The following CCDC25 variants were observed in gnomAD, a reference collection of about 807,000 sequenced individuals.
The protein encoded by CCDC25 is coiled-coil domain containing 25, also known as coiled-coil domain-containing protein 25.
Under a neutral mutation model 35.3 loss-of-function variants are expected in CCDC25, and 16 were observed. The ratio of observed to expected loss-of-function variants is 0.45; its 90% CI spans 0.31 to 0.69. The LOEUF (loss-of-function observed/expected upper bound fraction) is 0.69. Among genes scored for constraint, CCDC25 ranks in the 30% least tolerant of loss-of-function variants. The pLI, the probability that CCDC25 is intolerant of heterozygous loss-of-function variation, is 0.06. For missense variants in CCDC25, 179 were observed against 250.7 expected, an observed-to-expected ratio of 0.71 and a Z score of 1.93; for synonymous variants, 79 against 80.3, an observed-to-expected ratio of 0.98 and a Z score of 0.09.
chr8:27,763,337 A>T (rs1388046122), intron 2 of CCDC25, among the ~76,000 whole-genome samples: 1 of 152,254 alleles, frequency 6.6e-6, no homozygotes, highest in Non-Finnish European at 1.5e-5. Flanking sequence ...TAAAGGTTAT[A>T]TCAATAAATA....
At chr8:27,743,430 G>A (rs959137706) in intron 7 of CCDC25, among the ~76,000 whole-genome samples, 2 of 152,210 alleles carry the variant, frequency 1.3e-5, no homozygotes, top group African/African-American at 4.8e-5. Context: ...GCATGGACTG[G>A]CCCCTTGATC....
chr8:27,771,092 T>G (rs1252216049), intron 1 of CCDC25, among the ~76,000 whole-genome samples: 1 of 152,202 alleles, frequency 6.6e-6, no homozygotes, highest in East Asian at 1.9e-4. Context: ...CTGATCACTA[T>G]TGCCTGATGA....
chr8:27,745,465 TAATA>T (rs1474230697), intron 7 of CCDC25, among the ~76,000 whole-genome samples: 2 of 152,202 alleles, frequency 1.3e-5, no homozygotes. Context: ...AATTTTGATG[TAATA>T]AATGTTTGGT....
Position 27,772,178 on chromosome 8 carries a change from A to C in CCDC25, c.28+335T>G, listed in dbSNP as rs186742311. On this transcript the variant is annotated intron_variant, in intron 1 of 8. Coordinates refer to ENST00000356537, the MANE Select transcript of CCDC25 (RefSeq NM_018246.3). ...AAGGCCGCAGATGGAAGGTGGGAAG[A>C]AGACTTGGGATAAGGTGTGTGGAGG... 84 of 425,730 alleles carry C rather than the reference A, an allele frequency of 2.0e-4. No individual in the cohort carries two copies. In the Admixed American group the frequency reaches 2.2e-3, roughly 11 times the overall value. The allele number at this position is 425,730 out of a possible 1,614,324, so 26.4% of individuals were successfully genotyped here.
At chr8:27,760,575 A>C (rs545209806) in intron 3 of CCDC25, among the ~76,000 whole-genome samples, 10 of 152,186 alleles carry the variant, frequency 6.6e-5, no homozygotes, top group Non-Finnish European at 1.5e-4. Flanking sequence ...TATTTACTGA[A>C]TACCTACTAT....
chr8:27,772,275 T>C (rs1804651702), intron 1 of CCDC25, among the ~76,000 whole-genome samples: 1 of 152,160 alleles, frequency 6.6e-6, no homozygotes, highest in Admixed American at 6.5e-5. Flanking sequence ...AACTCCCCGA[T>C]ACAAACATAG....
chr8:27,756,013 T>C (rs1004516572), intron 4 of CCDC25, among the ~76,000 whole-genome samples: 2 of 152,210 alleles, frequency 1.3e-5, no homozygotes, highest in Non-Finnish European at 2.9e-5. Flanking sequence ...GTGACAGCGA[T>C]GTGCCAAGGT....
At chr8:27,767,153 G>A (rs1459166628) in intron 1 of CCDC25, among the ~76,000 whole-genome samples, 1 of 152,076 alleles carries the variant, frequency 6.6e-6, no homozygotes, top group Admixed American at 6.6e-5. Flanking sequence ...ATCACTTGAG[G>A]CCAGAAGTTT....
At chr8:27,755,862 G>A (rs1352079662) in intron 4 of CCDC25, among the ~76,000 whole-genome samples, 3 of 152,124 alleles carry the variant, frequency 2.0e-5, no homozygotes, top group Non-Finnish European at 1.5e-5. Context: ...AAAAAACAGA[G>A]AAAGAATGAG....
intron 1 of CCDC25, among the ~76,000 whole-genome samples, chr8:27,768,564 C>CAAAAAAAAAAA (rs368194540): frequency 9.4e-6 from 1 of 106,614 alleles, no homozygotes. Flanking sequence ...GACTCCATCT[C>CAAAAAAAAAAA]AAAAAAAAAA....
intron 2 of CCDC25, among the ~76,000 whole-genome samples, chr8:27,763,863 G>T (rs1269705763): frequency 6.6e-6 from 1 of 152,156 alleles, no homozygotes; most frequent in Admixed American, 6.5e-5. Context: ...TTGGGTAAAG[G>T]CACTCATAAC....
Position 27,748,066 on chromosome 8 carries a change from C to T in CCDC25, c.551+11G>A, listed in dbSNP as rs1253461070. The T allele has an allele frequency of 1.9e-6, 3 of 1,610,190 alleles. No individual in the cohort carries two copies. Among genetic ancestry groups the T allele is most frequent in the Admixed American group, 1.7e-5 (1 of 59,888 alleles). On this transcript the variant is annotated intron_variant, in intron 7 of 8. Coordinates refer to ENST00000356537, the MANE Select transcript of CCDC25 (RefSeq NM_018246.3). ...TTTGAGGTCAGTCTCAATGCCACAG[C>T]TCCGACATACCTAAGTTCATCCATT...
rs1254190787 is a variant in CCDC25, at chr8:27,734,339, A to C, written c.*1877T>G. 6.6e-6 allele frequency: 1 copy of C among 152,232 alleles called. No individual in the cohort carries two copies. Among genetic ancestry groups the C allele is most frequent in the African/African-American group, 2.4e-5 (1 of 41,466 alleles). The allele number at this position is 152,232 out of a possible 1,614,324, so 9.4% of individuals were successfully genotyped here. A position where few individuals can be genotyped will look rare whatever the true frequency, so the allele number is the denominator to read the frequency against. On this transcript the variant is annotated 3_prime_UTR_variant, in exon 9 of 9. Transcript: ENST00000356537. ...GAAGACGACATTGGCAAAGTGACTCAGACCCACAGCACAGATTTGATCAAG... is the reference window on the plus strand; with the variant it reads ...GAAGACGACATTGGCAAAGTGACTCCGACCCACAGCACAGATTTGATCAAG...
At chr8:27,756,942 C>T (rs940866847) in intron 3 of CCDC25, among the ~76,000 whole-genome samples, 172 bp from the exon 4 acceptor site, 1 of 152,180 alleles carries the variant, frequency 6.6e-6, no homozygotes, top group African/African-American at 2.4e-5. Flanking sequence ...TCCCCATCAC[C>T]ATGAAGAGGT....
intron 2 of CCDC25, among the ~76,000 whole-genome samples, chr8:27,763,473 T>A (rs1326159569): frequency 6.6e-6 from 1 of 152,146 alleles, no homozygotes; most frequent in African/African-American, 2.4e-5. Context: ...ATCCCAGCAC[T>A]TTGGGAGGCT....
At chr8:27,765,950 G>A (rs112724371) in intron 1 of CCDC25, among the ~76,000 whole-genome samples, 1 of 152,178 alleles carries the variant, frequency 6.6e-6, no homozygotes, top group African/African-American at 2.4e-5. Context: ...TAAGGTCAGG[G>A]TTAGAAACAA....
At chr8:27,762,529 G>A (rs1251225969) in intron 2 of CCDC25, 71 bp from the exon 3 acceptor site, 1 of 1,412,420 alleles carries the variant, frequency 7.1e-7, no homozygotes, top group Non-Finnish European at 9.9e-7. Flanking sequence ...TTATAAGAAT[G>A]GGAGAAATGT....
In CCDC25 at chr8:27,747,347, A is replaced by G. The variant is rs539237465; in HGVS notation, c.551+730T>C. On this transcript the variant is annotated intron_variant, in intron 7 of 8. Transcript: ENST00000356537. ...TGGAAAGCTTGGAGAAGGAGCCACA[A>G]GCCAAGAAATGGGGGTGCCTCTCAA... Among the ~76,000 whole-genome samples the G allele has an allele frequency of 9.5e-4, 144 of 152,322 alleles. 1 individual carries two copies. Among genetic ancestry groups the G allele is most frequent in the Admixed American group, 8.1e-3 (124 of 15,292 alleles).
At chr8:27,752,478 T>G (rs1456131656) in intron 5 of CCDC25, 34 bp downstream of exon 5, 1 of 1,524,542 alleles carries the variant, frequency 6.6e-7, no homozygotes, top group African/African-American at 1.4e-5. Context: ...AGAAAGTCCG[T>G]GCTAATTCTA....
Sources: allele counts gnomAD v4.1 joint callset (sites outside exome capture counted in the v4.1 genomes callset), GRCh38; gene constraint gnomAD v4.1.1; transcripts MANE v1.5; gene names NCBI Gene and HGNC (gene_info 2026-07-23, HGNC 2026-07-21).